TDRD5: variants seen among roughly 807,000 people sequenced by gnomAD.
TDRD5 encodes tudor domain-containing protein 5.
In TDRD5, 41 loss-of-function variants were observed where a neutral mutation model predicts 120.6. The ratio of observed to expected loss-of-function variants is 0.34; its 90% confidence interval spans 0.26 to 0.44. The LOEUF (loss-of-function observed/expected upper bound fraction) is 0.44, where lower values mean the gene tolerates loss of function less well. TDRD5 is among the 20% of genes least tolerant of loss of function. The pLI is 1.00. For missense variants in TDRD5, 1,006 were observed against 1,221.2 expected (o/e 0.82, Z 2.63); for synonymous variants, 430 against 433.7 (o/e 0.99, Z 0.11).
At chr1:179,611,354 A>G (rs1676265881) in intron 4 of TDRD5, among the ~76,000 whole-genome samples, 1 of 151,956 alleles carries the variant, frequency 6.6e-6, no homozygotes, top group Admixed American at 6.6e-5. Context: ...GCTAGTTGTG[A>G]TACTGTTTTT....
intron 4 of TDRD5, among the ~76,000 whole-genome samples, chr1:179,612,220 C>T (rs1304346954): frequency 6.6e-6 from 1 of 152,010 alleles, no homozygotes; most frequent in African/African-American, 2.4e-5. Flanking sequence ...AAAAGTTTTT[C>T]CTTTGTAAAA....
chr1:179,654,232 A>T lies in TDRD5; in HGVS notation c.2192A>T (p.His731Leu), dbSNP rs1223326933. ...ATTAATGATGAAAAGTCTTTAAGTC[A>T]TCTTAAATCTGAGTCAAAGGAGCCA... ...QDINDEKSLS[H>L]LKSESKEPLK... The change falls in exon 14 of 18, where the codon CAT becomes CTT. Residue 731 changes from histidine (H) to leucine (L), a missense_variant. Physicochemically the swap from His to Leu is moderately conservative, Grantham distance 99 (BLOSUM62 -3). Transcript: ENST00000444136. 6.5e-7 allele frequency: 1 copy of T among 1,546,528 alleles called. No individual in the cohort carries two copies. Among genetic ancestry groups the T allele is most frequent in the Admixed American group, 2.0e-5 (1 of 50,638 alleles).
At chr1:179,677,236 A>G (rs1038470592) in intron 17 of TDRD5, among the ~76,000 whole-genome samples, 1 of 152,054 alleles carries the variant, frequency 6.6e-6, no homozygotes, top group African/African-American at 2.4e-5. Flanking sequence ...ATTTCACTGA[A>G]GAATTTTTCT....
chr1:179,632,867 C>T (rs1037335121), intron 7 of TDRD5, among the ~76,000 whole-genome samples: 4 of 152,154 alleles, frequency 2.6e-5, no homozygotes, highest in African/African-American at 9.7e-5. Flanking sequence ...GAACATCATA[C>T]CTTGGCCTAG....
chr1:179,685,113 T>C lies in TDRD5; in HGVS notation c.2861-5583T>C, dbSNP rs566354920. Among the ~76,000 whole-genome samples the C allele has an allele frequency of 1.6e-4, 25 of 152,348 alleles. No homozygotes were observed. The South Asian group carries it at 5.2e-3, about 32-fold the overall frequency. On this transcript the variant is annotated intron_variant, in intron 17 of 17. Coordinates refer to ENST00000444136, the MANE Select transcript of TDRD5 (RefSeq NM_001199085.3). ...CTTTGGTGTTTTAGACATGAAGTCC[T>C]TGCCCATGCCTATGCCCTGAATGGT...
intron 14 of TDRD5, among the ~76,000 whole-genome samples, chr1:179,661,405 C>A (rs1679309342): frequency 6.6e-6 from 1 of 151,330 alleles, no homozygotes; most frequent in African/African-American, 2.4e-5. Context: ...TCCCCCCAAT[C>A]TTTTTTTCTC....
chr1:179,658,831 A>G (rs1353083851), intron 14 of TDRD5, among the ~76,000 whole-genome samples: 11 of 151,554 alleles, frequency 7.3e-5, no homozygotes, highest in Non-Finnish European at 1.2e-4. Context: ...TTCTTTTTCT[A>G]TTTCTTTAAG....
intron 4 of TDRD5, among the ~76,000 whole-genome samples, chr1:179,612,307 A>G (rs897791831): frequency 6.6e-5 from 10 of 152,168 alleles, no homozygotes; most frequent in African/African-American, 2.4e-4. Flanking sequence ...ACCCCTGCCC[A>G]TTGCTTTATT....
intron 4 of TDRD5, among the ~76,000 whole-genome samples, chr1:179,608,594 G>A (rs965388572): frequency 4.6e-5 from 7 of 151,812 alleles, no homozygotes; most frequent in Non-Finnish European, 5.9e-5. Flanking sequence ...TAATCTTCAG[G>A]TATTCCACGT....
intron 12 of TDRD5, 127 bp from the exon 13 acceptor site, chr1:179,651,912 C>T (rs1678737368): frequency 3.6e-6 from 4 of 1,106,032 alleles, no homozygotes; most frequent in African/African-American, 1.6e-5. Flanking sequence ...GACTCCATCT[C>T]GAAATAAATA....
At chr1:179,597,332 C>CTTTTTTTTTT (rs945509784) in intron 4 of TDRD5, among the ~76,000 whole-genome samples, 56 of 125,542 alleles carry the variant, frequency 4.5e-4, no homozygotes, top group African/African-American at 7.3e-4. Flanking sequence ...TTCTTTTTTT[C>CTTTTTTTTTT]TTTTTTTTTT....
intron 6 of TDRD5, among the ~76,000 whole-genome samples, chr1:179,628,027 C>T (rs914968314): frequency 3.9e-5 from 6 of 152,204 alleles, no homozygotes; most frequent in East Asian, 1.9e-4. Flanking sequence ...CCAGATATTA[C>T]GTGCCCCTCT....
rs567312515 is a variant in TDRD5 at position 179,599,189 on chromosome 1, T to C, written c.831+3371T>C. On this transcript the variant is annotated intron_variant, in intron 4 of 17. Coordinates refer to ENST00000444136, the MANE Select transcript of TDRD5 (RefSeq NM_001199085.3). ...AGCCAACCTTATATTTCTGGATGAA[T>C]CCTGCTTGGTCATCATATAGTATCC... is the stretch of plus-strand genomic sequence containing the variant. 2.6e-5 allele frequency among the ~76,000 whole-genome samples: 4 copies of C among 152,286 alleles called. No homozygotes were observed. The East Asian group carries it at 7.7e-4, about 29-fold the overall frequency.
chr1:179,685,955 G>T (rs1216596638), intron 17 of TDRD5, among the ~76,000 whole-genome samples: 1 of 152,076 alleles, frequency 6.6e-6, no homozygotes, highest in Non-Finnish European at 1.5e-5. Context: ...AAGATGATGG[G>T]GTTTTCTAAA....
At position 179,625,724 on chromosome 1, in the gene TDRD5, C is replaced by A. The variant is rs1057085075; in HGVS notation, c.972+4633C>A. Among the ~76,000 whole-genome samples, 3 of 152,216 alleles carry A rather than the reference C, an allele frequency of 2.0e-5. 1 individual carries two copies. Among genetic ancestry groups the A allele is most frequent in the Admixed American group, 6.5e-5 (1 of 15,278 alleles). On this transcript the variant is annotated intron_variant, in intron 6 of 17. Transcript: ENST00000444136. ...TTCATAACAGCTTTATACATTATAG[C>A]CTCCCAAAACTGGAAATAAGCCTAC...
chr1:179,627,707 C>A (rs1309018818), intron 6 of TDRD5, among the ~76,000 whole-genome samples: 1 of 151,984 alleles, frequency 6.6e-6, no homozygotes, highest in Non-Finnish European at 1.5e-5. Context: ...TATTTTGAAG[C>A]CTATCAAATA....
chr1:179,593,809 T>C lies in TDRD5; in HGVS notation c.582T>C (p.Gly194=), dbSNP rs1053303424. 1.2e-6 allele frequency: 2 copies of C among 1,614,080 alleles called. No individual in the cohort carries two copies. Among genetic ancestry groups the C allele is most frequent in the African/African-American group, 2.7e-5 (2 of 74,938 alleles). Reference sequence around the variant, plus strand: ...TTTCTGTAGAGCAGACCAGAGCAGGTTCTTTGTTGATGCTAAAGAAGAGTG... The same window carrying C: ...TTTCTGTAGAGCAGACCAGAGCAGGCTCTTTGTTGATGCTAAAGAAGAGTG... ...DVISVEQTRA[G]SLLMLKKSVT... is the part of the protein sequence containing the mutation. Residue 194 remains glycine, a synonymous_variant, in exon 3 of 18, where the codon GGT becomes GGC. Coordinates refer to ENST00000444136, the MANE Select transcript of TDRD5 (RefSeq NM_001199085.3).
chr1:179,688,414 G>A (rs373498611), intron 17 of TDRD5, among the ~76,000 whole-genome samples: 2 of 152,182 alleles, frequency 1.3e-5, no homozygotes, highest in African/African-American at 4.8e-5. Flanking sequence ...AGAGAGATAC[G>A]CTGTTAGTCT....
At chr1:179,649,599 A>G (rs1678601160) in intron 11 of TDRD5, among the ~76,000 whole-genome samples, 1 of 152,168 alleles carries the variant, frequency 6.6e-6, no homozygotes, top group Non-Finnish European at 1.5e-5. Flanking sequence ...ATCAATTTTT[A>G]TAGATTGCTA....
Sources: gnomAD v4.1 joint callset for allele counts (sites outside exome capture counted in the v4.1 genomes callset) on GRCh38, gnomAD v4.1.1 for gene constraint, MANE v1.5 for transcripts, NCBI Gene and HGNC (gene_info 2026-07-23, HGNC 2026-07-21) for gene names.